TGFB2: variants seen among roughly 807,000 people sequenced by gnomAD.
The protein encoded by TGFB2 is transforming growth factor beta-2 proprotein.
TGFB2 carries 13 observed loss-of-function variants against 42.7 expected under a neutral mutation model. That is an observed-to-expected ratio of 0.30 (90% CI 0.20 to 0.48). The LOEUF (loss-of-function observed/expected upper bound fraction) is 0.48, where lower values mean the gene tolerates loss of function less well. TGFB2 is among the 20% of genes least tolerant of loss of function. The probability of loss-of-function intolerance (pLI) is 0.99; values close to 1 mark genes in which losing one functional copy is unlikely to be tolerated. For synonymous variants in TGFB2, 193 were observed against 193.6 expected (o/e 1.00, Z 0.03); for missense variants, 390 against 517.5 (o/e 0.75, Z 2.39).
In TGFB2 at chr1:218,436,031, A is replaced by C. The variant is rs1415933135; in HGVS notation, c.816A>C (p.Lys272Asn). ...AGAAAACTATAAAGTCCACTAGGAA[A>C]AAAAACAGTGGGAAGACCCCACATC... is the stretch of plus-strand genomic sequence containing the variant. ...GDQKTIKSTR[K>N]KNSGKTPHLL... is the part of the protein sequence containing the mutation. The change falls in exon 5 of 7, where the codon AAA becomes AAC. Residue 272 changes from lysine to asparagine, a missense_variant. Coordinates refer to ENST00000366930, the MANE Select transcript of TGFB2 (RefSeq NM_003238.6). 1.2e-6 allele frequency: 2 copies of C among 1,614,026 alleles called. No homozygotes were observed. Among genetic ancestry groups the C allele is most frequent in the African/African-American group, 2.7e-5 (2 of 74,934 alleles).
At chr1:218,412,028 C>A (rs910570889) in intron 2 of TGFB2, among the ~76,000 whole-genome samples, 8 of 152,186 alleles carry the variant, frequency 5.3e-5, no homozygotes, top group Non-Finnish European at 8.8e-5. Context: ...CATCTTTAAT[C>A]TTGGAACACT....
intron 6 of TGFB2, among the ~76,000 whole-genome samples, chr1:218,437,916 G>A (rs1382712742): frequency 6.6e-6 from 1 of 152,070 alleles, no homozygotes; most frequent in Non-Finnish European, 1.5e-5. Flanking sequence ...TATACAATGT[G>A]TAATGATGAA....
chr1:218,400,668 A>C (rs1033760235), intron 1 of TGFB2, among the ~76,000 whole-genome samples: 1 of 152,148 alleles, frequency 6.6e-6, no homozygotes, highest in Non-Finnish European at 1.5e-5. Context: ...AAGTATTGAA[A>C]ACATTTTAAA....
chr1:218,354,748 C>T (rs1181556902), intron 1 of TGFB2, among the ~76,000 whole-genome samples: 1 of 152,204 alleles, frequency 6.6e-6, no homozygotes, highest in Non-Finnish European at 1.5e-5. Flanking sequence ...AATGGTGGCT[C>T]TCCTCTGTTA....
chr1:218,435,798 T>C (rs181907862), intron 4 of TGFB2, among the ~76,000 whole-genome samples, 172 bp from the exon 5 acceptor site: 36 of 152,344 alleles, frequency 2.4e-4, no homozygotes, highest in African/African-American at 8.4e-4. Context: ...CGTGGGTTAG[T>C]CGTAGTCCTG....
At chr1:218,368,205 C>T (rs1430685975) in intron 1 of TGFB2, among the ~76,000 whole-genome samples, 1 of 151,974 alleles carries the variant, frequency 6.6e-6, no homozygotes, top group Non-Finnish European at 1.5e-5. Context: ...AGTACAGCAG[C>T]GTGATCTCGG....
At chr1:218,347,359 T>G (rs1479574731) in intron 1 of TGFB2, among the ~76,000 whole-genome samples, 1 of 152,210 alleles carries the variant, frequency 6.6e-6, no homozygotes, top group Non-Finnish European at 1.5e-5. Flanking sequence ...TCAGCCCCAC[T>G]CTGTCAAACT....
At chr1:218,373,434 A>C (rs1017199459) in intron 1 of TGFB2, among the ~76,000 whole-genome samples, 4 of 151,800 alleles carry the variant, frequency 2.6e-5, no homozygotes, top group Admixed American at 6.6e-5. Flanking sequence ...GATTAGTAAT[A>C]ATATGACTAA....
chr1:218,397,307 T>G (rs1658552849), intron 1 of TGFB2, among the ~76,000 whole-genome samples: 1 of 150,964 alleles, frequency 6.6e-6, no homozygotes, highest in African/African-American at 2.4e-5. Flanking sequence ...CTTATGCCTG[T>G]AATCCCAGCA....
chr1:218,380,663 A>ATTCCT (rs1657930014), intron 1 of TGFB2, among the ~76,000 whole-genome samples: 1 of 152,076 alleles, frequency 6.6e-6, no homozygotes, highest in Non-Finnish European at 1.5e-5. Flanking sequence ...TGTAAGTGTA[A>ATTCCT]TATTTACCAG....
Position 218,346,556 on chromosome 1 carries a change from G to A in TGFB2, c.-146G>A, listed in dbSNP as rs11466366. On this transcript the variant is annotated 5_prime_UTR_variant, in exon 1 of 7. Transcript: ENST00000366930. The surrounding 1 kb of genome is among the most constrained non-coding windows in gnomAD (Gnocchi z 4.9). ...AGGATACGTTTTTCTGTTGGGCATT[G>A]ACTAGATTGTTTGCAAAAGTTTCGC... 127 of 658,306 alleles carry A rather than the reference G, an allele frequency of 1.9e-4. No homozygotes were observed. The highest frequency in any genetic ancestry group is 1.9e-3 in the African/African-American group (103 of 53,458). 40.8% of individuals were successfully genotyped at this position (658,306 alleles called of 1,614,324 possible).
chr1:218,404,606 T>C (rs947928252), intron 1 of TGFB2, among the ~76,000 whole-genome samples: 2 of 152,228 alleles, frequency 1.3e-5, no homozygotes, highest in Admixed American at 1.3e-4. Context: ...TACTTTTGTT[T>C]ATTCAAATTT....
intron 1 of TGFB2, among the ~76,000 whole-genome samples, chr1:218,375,024 A>G (rs1657694162): frequency 6.6e-6 from 1 of 152,198 alleles, no homozygotes; most frequent in Admixed American, 6.5e-5. Flanking sequence ...GCCTTTAAAC[A>G]GTTCAAAAAA....
rs1228017950 is a variant in TGFB2, at chr1:218,442,233, G to A, written c.*871G>A. The A allele has an allele frequency of 6.6e-6, 1 of 151,704 alleles. No homozygotes were observed. The highest frequency in any genetic ancestry group is 1.5e-5 in the Non-Finnish European group (1 of 67,912). The allele number at this position is 151,704 out of a possible 1,614,324, so 9.4% of individuals were successfully genotyped here. A position where few individuals can be genotyped will look rare whatever the true frequency, so the allele number is the denominator to read the frequency against. ...ATGTTGAAATGTTTTGACATGTACT[G>A]GTCAAACTTCAGACCTTAAAATATT... On this transcript the variant is annotated 3_prime_UTR_variant, in exon 7 of 7. Transcript: ENST00000366930.
intron 1 of TGFB2, among the ~76,000 whole-genome samples, chr1:218,369,191 G>A (rs1657487848): frequency 6.8e-6 from 1 of 146,388 alleles, no homozygotes; most frequent in East Asian, 2.1e-4. Context: ...GGAGGTGGAG[G>A]TTGCAGTAAG....
At chr1:218,422,883 CAAAT>C (rs1659502423) in intron 2 of TGFB2, among the ~76,000 whole-genome samples, 1 of 152,030 alleles carries the variant, frequency 6.6e-6, no homozygotes, top group Non-Finnish European at 1.5e-5. Context: ...TAAAATCAAA[CAAAT>C]GAATAAATGA....
Position 218,444,542 on chromosome 1 carries a change from C to G in TGFB2, c.*3180C>G, listed in dbSNP as rs1040680087. 1 of 152,128 alleles carries G rather than the reference C, an allele frequency of 6.6e-6. No homozygotes were observed. The highest frequency in any genetic ancestry group is 2.4e-5 in the African/African-American group (1 of 41,414). 9.4% of individuals were successfully genotyped at this position (152,128 alleles called of 1,614,324 possible). On this transcript the variant is annotated 3_prime_UTR_variant, in exon 7 of 7. Transcript: ENST00000366930. Reference sequence around the variant, plus strand: ...TTTCCTCCAATTTTTTTGGCTGCTACCTACAAGACCAGACTCCTCAAACGA... The same window carrying G: ...TTTCCTCCAATTTTTTTGGCTGCTAGCTACAAGACCAGACTCCTCAAACGA...
intron 5 of TGFB2, among the ~76,000 whole-genome samples, chr1:218,436,700 G>A (rs1317403662): frequency 6.6e-6 from 1 of 152,200 alleles, no homozygotes; most frequent in Non-Finnish European, 1.5e-5. Context: ...CTCAGTAAGA[G>A]GAGGGCTCTT....
intron 2 of TGFB2, among the ~76,000 whole-genome samples, chr1:218,413,860 T>G (rs1454661346): frequency 6.6e-6 from 1 of 152,116 alleles, no homozygotes; most frequent in African/African-American, 2.4e-5. Flanking sequence ...TATAAAACAG[T>G]GGTGAAATCC....
Sources: gnomAD v4.1 joint callset for allele counts (sites outside exome capture counted in the v4.1 genomes callset) on GRCh38, gnomAD v4.1.1 for gene constraint, Gnocchi (gnomAD v3.1) non-coding constraint, MANE v1.5 for transcripts, NCBI Gene and HGNC (gene_info 2026-07-23, HGNC 2026-07-21) for gene names.